TSPAN18: variants seen among roughly 807,000 people sequenced by gnomAD.
The protein encoded by TSPAN18 is tetraspanin-18.
In TSPAN18, 14 loss-of-function variants were observed where a neutral mutation model predicts 27.3. That is an observed-to-expected ratio of 0.51 (90% CI 0.34 to 0.80). TSPAN18 has a LOEUF of 0.80. Ranked by LOEUF, TSPAN18 falls within the 30% of genes least tolerant of loss-of-function variation. TSPAN18 has a pLI of 0.01. For missense variants in TSPAN18, 268 were observed against 323.9 expected, an observed-to-expected ratio of 0.83 and a Z score of 1.32; for synonymous variants, 143 against 136.5, an observed-to-expected ratio of 1.05 and a Z score of -0.33.
At chr11:44,775,600 G>T (rs1247648183) in intron 2 of TSPAN18, among the ~76,000 whole-genome samples, 2 of 152,110 alleles carry the variant, frequency 1.3e-5, no homozygotes, top group Non-Finnish European at 2.9e-5. Context: ...CTAGTGGCGG[G>T]GGTGGGAGGT....
chr11:44,821,255 G>A (rs1200072855), intron 2 of TSPAN18, among the ~76,000 whole-genome samples: 1 of 152,236 alleles, frequency 6.6e-6, no homozygotes, highest in Non-Finnish European at 1.5e-5. Flanking sequence ...ATGGGAAACT[G>A]AAGCACAGAG....
intron 1 of TSPAN18, among the ~76,000 whole-genome samples, chr11:44,747,202 G>C (rs1364503241): frequency 6.6e-6 from 1 of 152,256 alleles, no homozygotes; most frequent in Non-Finnish European, 1.5e-5. Context: ...GAACATGCCA[G>C]CTCCCTGGCA....
At chr11:44,744,930 C>T (rs977559313) in intron 1 of TSPAN18, among the ~76,000 whole-genome samples, 6 of 152,164 alleles carry the variant, frequency 3.9e-5, no homozygotes, top group Non-Finnish European at 5.9e-5. Context: ...CCTGTTTTAC[C>T]CAGGCTCAGC....
Position 44,815,913 on chromosome 11 carries a change from C to T in TSPAN18, c.-152-44415C>T, listed in dbSNP as rs1856809900. Among the ~76,000 whole-genome samples, 3 of 152,146 alleles carry T rather than the reference C, an allele frequency of 2.0e-5. No individual in the cohort carries two copies. In the South Asian group the frequency reaches 6.2e-4, roughly 32 times the overall value. The stretch of plus-strand genomic sequence containing the variant: ...AGGCTGGGTGGCTGGGCAGAGGGAG[C>T]AGAGCAGATGATGGAGTCTCACGGA... On this transcript the variant is annotated intron_variant, in intron 2 of 9. Coordinates refer to ENST00000520358, the MANE Select transcript of TSPAN18 (RefSeq NM_130783.5).
At chr11:44,815,568 C>T (rs988318779) in intron 2 of TSPAN18, among the ~76,000 whole-genome samples, 1 of 152,250 alleles carries the variant, frequency 6.6e-6, no homozygotes, top group East Asian at 1.9e-4. Context: ...GTTACTTGCT[C>T]AACAATTATG....
intron 2 of TSPAN18, among the ~76,000 whole-genome samples, chr11:44,786,685 G>A (rs1856066620): frequency 2.1e-5 from 3 of 143,694 alleles, no homozygotes; most frequent in African/African-American, 7.8e-5. Context: ...AGGCTGTAGT[G>A]CAGAGGTGCG....
intron 2 of TSPAN18, among the ~76,000 whole-genome samples, chr11:44,831,384 A>G (rs1857150605): frequency 6.6e-6 from 1 of 152,150 alleles, no homozygotes; most frequent in Admixed American, 6.5e-5. Flanking sequence ...AAAGATGTCA[A>G]GATGTTGCAG....
chr11:44,866,068 C>G (rs1011733463), intron 3 of TSPAN18, among the ~76,000 whole-genome samples: 3 of 152,250 alleles, frequency 2.0e-5, no homozygotes, highest in Non-Finnish European at 2.9e-5. Flanking sequence ...ACCCCGGCAG[C>G]ACAATCGATT....
chr11:44,767,202 A>G (rs1189701872), intron 2 of TSPAN18, among the ~76,000 whole-genome samples: 1 of 152,196 alleles, frequency 6.6e-6, no homozygotes, highest in Non-Finnish European at 1.5e-5. Flanking sequence ...GAGCTACCTC[A>G]AGTATGAGCA....
chr11:44,808,933 C>G (rs968075989), intron 2 of TSPAN18, among the ~76,000 whole-genome samples: 6 of 152,160 alleles, frequency 3.9e-5, no homozygotes, highest in African/African-American at 1.2e-4. Flanking sequence ...TGCCTTGACT[C>G]CTTTCCAGGC....
intron 3 of TSPAN18, among the ~76,000 whole-genome samples, chr11:44,868,436 G>C (rs1344074009): frequency 6.6e-6 from 1 of 152,176 alleles, no homozygotes; most frequent in Non-Finnish European, 1.5e-5. Flanking sequence ...CGAGGTGGGA[G>C]CTGGGCTGTG....
chr11:44,883,997 C>A (rs1444944964), intron 3 of TSPAN18, among the ~76,000 whole-genome samples: 1 of 152,196 alleles, frequency 6.6e-6, no homozygotes, highest in African/African-American at 2.4e-5. Flanking sequence ...TCTGTATTAA[C>A]TCTTATTGCC....
intron 1 of TSPAN18, among the ~76,000 whole-genome samples, chr11:44,746,078 G>A (rs576365316): frequency 6.6e-6 from 1 of 152,350 alleles, no homozygotes; most frequent in Admixed American, 6.5e-5. Context: ...TTGAAAAAGT[G>A]AGAGAAGGTG....
intron 3 of TSPAN18, among the ~76,000 whole-genome samples, chr11:44,861,793 T>TCTCACA (rs1491236551): frequency 9.3e-4 from 123 of 132,144 alleles, no homozygotes; most frequent in Middle Eastern, 7.4e-3. Flanking sequence ...AGCCCAAATT[T>TCTCACA]CACACACACA....
At chr11:44,749,500 C>T (rs1055157205) in intron 1 of TSPAN18, among the ~76,000 whole-genome samples, 9 of 152,182 alleles carry the variant, frequency 5.9e-5, no homozygotes, top group Non-Finnish European at 1.3e-4. Flanking sequence ...CATCATGATG[C>T]CTTTGTATAA....
chr11:44,843,435 G>A lies in TSPAN18; in HGVS notation c.-152-16893G>A, dbSNP rs145703566. ...ATAGAATATCACAAGGCAAGTGGAG[G>A]CAGGGCGAGATCACAAGACCACAGG... On this transcript the variant is annotated intron_variant, in intron 2 of 9. Coordinates refer to ENST00000520358, the MANE Select transcript of TSPAN18 (RefSeq NM_130783.5). Among the ~76,000 whole-genome samples, 67 of 152,322 alleles carry A rather than the reference G, an allele frequency of 4.4e-4. No individual in the cohort carries two copies. The East Asian group carries it at 0.011, about 25-fold the overall frequency.
chr11:44,828,572 G>A (rs897002395), intron 2 of TSPAN18, among the ~76,000 whole-genome samples: 4 of 152,172 alleles, frequency 2.6e-5, no homozygotes, highest in African/African-American at 9.7e-5. Flanking sequence ...GCCCGCTTCT[G>A]TGGCTTCATC....
rs375974147 is a variant in TSPAN18, at chr11:44,795,681, C to A, written c.-153+31169C>A. On this transcript the variant is annotated intron_variant, in intron 2 of 9. Coordinates refer to ENST00000520358, the MANE Select transcript of TSPAN18 (RefSeq NM_130783.5). Reference sequence around the variant, plus strand: ...TTGTCTAAGCTTCTGGGGCCCAGACCCCATTTTCTGCCCCAGGAGCCGGAA... The same window carrying A: ...TTGTCTAAGCTTCTGGGGCCCAGACACCATTTTCTGCCCCAGGAGCCGGAA... Among the ~76,000 whole-genome samples, 9 of 28,214 alleles carry A rather than the reference C, an allele frequency of 3.2e-4. No homozygotes were observed. In the South Asian group the frequency reaches 0.022, roughly 69 times the overall value. The allele number at this position is 28,214 out of a possible 152,430, so 18.5% of individuals were successfully genotyped here. A position where few individuals can be genotyped will look rare whatever the true frequency, so the allele number is the denominator to read the frequency against.
chr11:44,810,611 T>TC (rs1228679679), intron 2 of TSPAN18, among the ~76,000 whole-genome samples: 1 of 151,294 alleles, frequency 6.6e-6, no homozygotes, highest in Admixed American at 6.6e-5. Flanking sequence ...TTTCTTTTTT[T>TC]TTTTTTTTGA....
Sources: allele counts gnomAD v4.1 joint callset (sites outside exome capture counted in the v4.1 genomes callset), GRCh38; gene constraint gnomAD v4.1.1; transcripts MANE v1.5; gene names NCBI Gene and HGNC (gene_info 2026-07-23, HGNC 2026-07-21).